The following VAV3 variants were observed in gnomAD, a reference collection of about 807,000 sequenced individuals.
The protein encoded by VAV3 is guanine nucleotide exchange factor VAV3.
Under a neutral mutation model 131.2 loss-of-function variants are expected in VAV3, and 94 were observed. The observed-to-expected ratio is 0.72, with a 90% confidence interval of 0.61 to 0.85. VAV3 has a LOEUF of 0.85. Among genes scored for constraint, VAV3 ranks in the 40% least tolerant of loss-of-function variants. VAV3 has a pLI of 0.00. For missense variants in VAV3, 939 were observed against 1,002.7 expected (o/e 0.94, Z 0.86); for synonymous variants, 349 against 342.0 (o/e 1.02, Z -0.22).
intron 2 of VAV3, among the ~76,000 whole-genome samples, chr1:107,861,866 C>G (rs1669756253): frequency 6.6e-6 from 1 of 151,600 alleles, no homozygotes; most frequent in African/African-American, 2.4e-5. Context: ...TACCTAAGGT[C>G]ACCAAGCACA....
At chr1:107,877,281 A>C (rs1269753619) in intron 1 of VAV3, among the ~76,000 whole-genome samples, 1 of 152,184 alleles carries the variant, frequency 6.6e-6, no homozygotes, top group Admixed American at 6.6e-5. Flanking sequence ...ACCAAGACAG[A>C]TAATAATTAC....
At position 107,617,592 on chromosome 1, in the gene VAV3, C is replaced by T. The variant is rs770897183; in HGVS notation, c.1955G>A (p.Ser652Asn). 3.1e-6 allele frequency: 5 copies of T among 1,612,470 alleles called. No homozygotes were observed. In the African/African-American group the frequency reaches 5.4e-5, roughly 17 times the overall value. ...ACATGGGCAAGGCTTGACTGCATCA[C>T]TTGGAAAAAATCCAACCTCTCCAGA... ...LASGEVGFFP[S>N]DAVKPCPCVP... The change falls in exon 21 of 27, where the codon AGT (serine) becomes AAT (asparagine). Residue 652 changes from serine (S) to asparagine (N), a missense_variant. Physicochemically the swap from Ser to Asn is conservative, Grantham distance 46. Transcript: ENST00000370056.
intron 2 of VAV3, among the ~76,000 whole-genome samples, chr1:107,864,448 C>T (rs1039108723): frequency 5.9e-5 from 9 of 152,098 alleles, no homozygotes; most frequent in African/African-American, 1.9e-4. Context: ...ATGGCAAAAC[C>T]CTGTCTCTAC....
At chr1:107,573,487 T>A in intron 26 of VAV3, 115 bp from the exon 27 acceptor site, 2 of 1,232,222 alleles carry the variant, frequency 1.6e-6, no homozygotes, top group Non-Finnish European at 2.3e-6. Context: ...GGGTTTTATG[T>A]CCATTGTAGG....
intron 2 of VAV3, among the ~76,000 whole-genome samples, chr1:107,874,579 C>T (rs1670398009): frequency 6.9e-6 from 1 of 145,098 alleles, no homozygotes; most frequent in African/African-American, 2.5e-5. Flanking sequence ...AATAGTAACC[C>T]TAACCTCTGA....
intron 1 of VAV3, among the ~76,000 whole-genome samples, chr1:107,943,058 T>C (rs1557937888): frequency 6.6e-6 from 1 of 152,322 alleles, no homozygotes; most frequent in East Asian, 1.9e-4. Flanking sequence ...TGAGACCTGC[T>C]TCTCTGCAGA....
At chr1:107,576,243 A>G in intron 25 of VAV3, 6 of 578,768 alleles carry the variant, frequency 1.0e-5, no homozygotes, top group Non-Finnish European at 1.7e-5. Context: ...TGACTATGAC[A>G]GAGAAGAGTA....
intron 1 of VAV3, among the ~76,000 whole-genome samples, chr1:107,918,449 C>T (rs1008360917): frequency 6.6e-6 from 1 of 151,952 alleles, no homozygotes; most frequent in Admixed American, 6.6e-5. Context: ...AAATGTAAAC[C>T]TGGATTGTTG....
At chr1:107,869,928 GAAT>G (rs1315084368) in intron 2 of VAV3, among the ~76,000 whole-genome samples, 1 of 152,142 alleles carries the variant, frequency 6.6e-6, no homozygotes. Flanking sequence ...ACTTCACTTA[GAAT>G]AATAGTCTCC....
At chr1:107,673,743 GA>G (rs1277288542) in intron 19 of VAV3, 1 of 152,116 alleles carries the variant, frequency 6.6e-6, no homozygotes, top group Non-Finnish European at 1.5e-5. Flanking sequence ...GATAAAAGGA[GA>G]ATACCAAACT....
chr1:107,612,442 G>A (rs1652826687), intron 21 of VAV3, among the ~76,000 whole-genome samples: 1 of 151,940 alleles, frequency 6.6e-6, no homozygotes, highest in Admixed American at 6.6e-5. Flanking sequence ...TGGTTCTTTT[G>A]TAGTTCCTAT....
chr1:107,928,945 C>T (rs551356052), intron 1 of VAV3, among the ~76,000 whole-genome samples: 78 of 151,822 alleles, frequency 5.1e-4, no homozygotes, highest in Non-Finnish European at 9.7e-4. Flanking sequence ...AAGACTACCT[C>T]AAGGTATTTG....
At chr1:107,925,387 A>C (rs1004521383) in intron 1 of VAV3, among the ~76,000 whole-genome samples, 26 of 152,228 alleles carry the variant, frequency 1.7e-4, no homozygotes, top group African/African-American at 6.0e-4. Flanking sequence ...CCGTATTCAG[A>C]GCAGCATTAC....
At chr1:107,764,117 A>C (rs80222513) in intron 9 of VAV3, among the ~76,000 whole-genome samples, 1 of 152,034 alleles carries the variant, frequency 6.6e-6, no homozygotes, top group African/African-American at 2.4e-5. Flanking sequence ...AAAAAAAAAA[A>C]CATGATGTAC....
chr1:107,755,576 T>C (rs1231042759), intron 11 of VAV3, 63 bp from the exon 12 acceptor site: 8 of 1,210,130 alleles, frequency 6.6e-6, no homozygotes, highest in Admixed American at 1.9e-5. Context: ...CAAACTGCTT[T>C]GAAAGAAAAC....
intron 1 of VAV3, among the ~76,000 whole-genome samples, chr1:107,906,718 A>G (rs1262872188): frequency 6.6e-6 from 1 of 152,174 alleles, no homozygotes; most frequent in African/African-American, 2.4e-5. Context: ...TAAAAATAAA[A>G]TAACAGATCA....
chr1:107,576,122 T>A (rs1252167225), intron 25 of VAV3, among the ~76,000 whole-genome samples: 1 of 152,126 alleles, frequency 6.6e-6, no homozygotes, highest in Admixed American at 6.5e-5. Flanking sequence ...TCCCCCTTTA[T>A]ACTTTCAGCC....
intron 15 of VAV3, among the ~76,000 whole-genome samples, chr1:107,724,628 G>A (rs918774860): frequency 6.6e-6 from 1 of 152,104 alleles, no homozygotes; most frequent in African/African-American, 2.4e-5. Flanking sequence ...GTATAGGATG[G>A]GGGGTGGCAC....
chr1:107,853,399 T>G (rs1246372889), intron 2 of VAV3, among the ~76,000 whole-genome samples: 1 of 152,198 alleles, frequency 6.6e-6, no homozygotes, highest in Non-Finnish European at 1.5e-5. Context: ...AATAAAACTT[T>G]CAACACTATA....
Sources: gnomAD v4.1 joint callset for allele counts (sites outside exome capture counted in the v4.1 genomes callset) on GRCh38, gnomAD v4.1.1 for gene constraint, MANE v1.5 for transcripts, NCBI Gene and HGNC (gene_info 2026-07-23, HGNC 2026-07-21) for gene names.